The following BEND7 variants were observed in gnomAD, a reference collection of about 807,000 sequenced individuals.
The protein encoded by BEND7 is BEN domain containing 7.
BEND7 carries 28 observed loss-of-function variants against 50.9 expected under a neutral mutation model. The ratio of observed to expected loss-of-function variants is 0.55; its 90% CI spans 0.41 to 0.75. The LOEUF is 0.75. Ranked by LOEUF, BEND7 falls within the 30% of genes least tolerant of loss-of-function variation. The probability of loss-of-function intolerance (pLI) is 0.00; values close to 1 mark genes in which losing one functional copy is unlikely to be tolerated. For missense variants in BEND7, 477 were observed against 491.3 expected (o/e 0.97, Z 0.28); for synonymous variants, 170 against 183.9 (o/e 0.92, Z 0.61).
chr10:13,442,547 G>T (rs1835485639), intron 8 of BEND7: 1 of 152,158 alleles, frequency 6.6e-6, no homozygotes, highest in African/African-American at 2.4e-5. Context: ...TCATAAATTA[G>T]TTTTATATAA....
At chr10:13,506,250 C>T (rs534734258) in intron 2 of BEND7, among the ~76,000 whole-genome samples, 95 of 152,358 alleles carry the variant, frequency 6.2e-4, no homozygotes, top group African/African-American at 1.9e-3. Flanking sequence ...AGACCCGCCT[C>T]TTCCCTGTGG....
chr10:13,454,569 A>C (rs1164585447), intron 6 of BEND7, among the ~76,000 whole-genome samples: 2 of 147,264 alleles, frequency 1.4e-5, no homozygotes, highest in Non-Finnish European at 2.9e-5. Flanking sequence ...GCAGTGAGCT[A>C]TGATTACACC....
At chr10:13,440,097 G>T (rs1835140948), downstream of BEND7, among the ~76,000 whole-genome samples, 1 of 152,174 alleles carries the variant, frequency 6.6e-6, no homozygotes, top group Non-Finnish European at 1.5e-5. Flanking sequence ...GAGAGGTGAC[G>T]ACTGAGGCAG....
intron 5 of BEND7, among the ~76,000 whole-genome samples, chr10:13,481,949 T>C (rs971738914): frequency 6.6e-6 from 1 of 152,250 alleles, no homozygotes; most frequent in Non-Finnish European, 1.5e-5. Flanking sequence ...CCAGGAGGTT[T>C]ACAGCTCACC....
Position 13,496,811 on chromosome 10 carries a change from G to C in BEND7, c.526C>G (p.Leu176Val). 6.2e-7 allele frequency: 1 copy of C among 1,612,218 alleles called. No homozygotes were observed. The highest frequency in any genetic ancestry group is 1.3e-5 in the African/African-American group (1 of 74,808). Residue 176 changes from leucine (L) to valine (V), a missense_variant, in exon 4 of 9, where the codon CTA (leucine) becomes GTA (valine). Physicochemically the swap from Leu to Val is conservative, Grantham distance 32. Around this residue, in one of 3 missense-constraint regions of BEND7, gnomAD observed 396 missense variants for 384.2 expected, o/e 1.03. Transcript: ENST00000466271. ...TTCCTCATGGTCTTGAGTTCTTGTAGAATGGCCTGCAACGTTGACTGGCAG... is the reference window on the plus strand; with the variant it reads ...TTCCTCATGGTCTTGAGTTCTTGTACAATGGCCTGCAACGTTGACTGGCAG... ...CNCQSTLQAI[L>V]QELKTMRKLM...
chr10:13,525,066 G>A (rs2079358134), intron 2 of BEND7, among the ~76,000 whole-genome samples: 1 of 152,146 alleles, frequency 6.6e-6, no homozygotes, highest in Non-Finnish European at 1.5e-5. Flanking sequence ...CCTTGATGGG[G>A]TAATTGTGGC....
chr10:13,500,056 T>C lies in BEND7; in HGVS notation c.170A>G (p.Lys57Arg), dbSNP rs761673353. 5.6e-6 allele frequency: 9 copies of C among 1,596,714 alleles called. No individual in the cohort carries two copies. Among genetic ancestry groups the C allele is most frequent in the Non-Finnish European group, 7.7e-6 (9 of 1,166,698 alleles). ...FLGDESMEIK[K>R]QITGMRRLLN... ...CAATCTTCTCATCCCTGTAATTTGC[T>C]TTTTTATTTCCATGCTTTCATCTCC... Residue 57 changes from lysine (K) to arginine (R), a missense_variant, in exon 3 of 9, where the codon AAG becomes AGG. Lys to Arg is a conservative substitution (Grantham distance 26). This residue lies in a region of BEND7 where 396 missense variants were observed against 384.2 expected (regional missense o/e 1.03). Coordinates refer to ENST00000466271, the MANE Select transcript of BEND7 (RefSeq NM_001369863.1).
At chr10:13,463,625 A>T (rs1481576433) in intron 6 of BEND7, among the ~76,000 whole-genome samples, 1 of 152,210 alleles carries the variant, frequency 6.6e-6, no homozygotes, top group Non-Finnish European at 1.5e-5. Context: ...TATAAAAAAT[A>T]AAACTTTGTT....
intron 3 of BEND7, among the ~76,000 whole-genome samples, chr10:13,497,382 C>T (rs2077098349): frequency 6.6e-6 from 1 of 152,170 alleles, no homozygotes; most frequent in Non-Finnish European, 1.5e-5. Flanking sequence ...AAACAAAGAA[C>T]TGTGCACACA....
chr10:13,485,639 A>G (rs1032219429), intron 5 of BEND7, among the ~76,000 whole-genome samples: 19 of 152,228 alleles, frequency 1.2e-4, no homozygotes, highest in Admixed American at 4.6e-4. Context: ...TGTCCATACC[A>G]CTATATACAA....
At chr10:13,478,770 CTATT>C (rs745584743) in intron 6 of BEND7, among the ~76,000 whole-genome samples, 21 of 152,036 alleles carry the variant, frequency 1.4e-4, no homozygotes, top group Admixed American at 6.5e-4. Context: ...TAAATATAAA[CTATT>C]TGTTGATTTA....
chr10:13,446,117 T>G (rs912426618), intron 8 of BEND7: 1 of 152,234 alleles, frequency 6.6e-6, no homozygotes, highest in African/African-American at 2.4e-5. Flanking sequence ...ATATAATGAC[T>G]CTGTATGGGA....
intron 6 of BEND7, among the ~76,000 whole-genome samples, chr10:13,479,701 C>T (rs1461151213): frequency 6.6e-6 from 1 of 152,142 alleles, no homozygotes; most frequent in African/African-American, 2.4e-5. Context: ...AGAAATGGCA[C>T]AGTTTGTGAT....
At chr10:13,492,087 G>A (rs1367337203) in intron 5 of BEND7, among the ~76,000 whole-genome samples, 4 of 151,988 alleles carry the variant, frequency 2.6e-5, no homozygotes, top group Non-Finnish European at 5.9e-5. Context: ...TATTAAAATA[G>A]AAAAACCTTT....
At chr10:13,523,813 TTC>T (rs1302877132) in intron 2 of BEND7, among the ~76,000 whole-genome samples, 1 of 152,174 alleles carries the variant, frequency 6.6e-6, no homozygotes, top group Non-Finnish European at 1.5e-5. Context: ...CTGTGACAAT[TTC>T]TGTTATTTTT....
intron 2 of BEND7, among the ~76,000 whole-genome samples, chr10:13,513,153 G>A (rs965888121): frequency 6.6e-6 from 1 of 152,048 alleles, no homozygotes; most frequent in Non-Finnish European, 1.5e-5. Flanking sequence ...TATTGTTACT[G>A]TTGTAGTGTC....
intron 2 of BEND7, among the ~76,000 whole-genome samples, chr10:13,515,409 AT>A (rs959570217): frequency 2.0e-5 from 3 of 152,246 alleles, no homozygotes; most frequent in African/African-American, 7.2e-5. Flanking sequence ...AGTAAAAAAC[AT>A]TGTAAACCCC....
intron 6 of BEND7, among the ~76,000 whole-genome samples, chr10:13,480,405 G>A (rs1309081188): frequency 6.6e-6 from 1 of 152,088 alleles, no homozygotes; most frequent in African/African-American, 2.4e-5. Flanking sequence ...GCATGTGTGG[G>A]GACGCACAGG....
intron 2 of BEND7, among the ~76,000 whole-genome samples, chr10:13,520,898 T>C (rs1460163287): frequency 1.3e-5 from 2 of 152,238 alleles, no homozygotes; most frequent in African/African-American, 4.8e-5. Flanking sequence ...CATATGTTTA[T>C]GTGCACATAA....
Sources: gnomAD v4.1 joint callset for allele counts (sites outside exome capture counted in the v4.1 genomes callset) on GRCh38, gnomAD v4.1.1 for gene constraint, gnomAD v4.1.1 regional missense constraint, MANE v1.5 for transcripts, NCBI Gene and HGNC (gene_info 2026-07-23, HGNC 2026-07-21) for gene names.